Variants in DNMBP observed in about 807,000 individuals in gnomAD.
DNMBP encodes dynamin-binding protein.
DNMBP carries 87 observed loss-of-function variants against 150.0 expected under a neutral mutation model. The ratio of observed to expected loss-of-function variants is 0.58; its 90% CI spans 0.49 to 0.69. The LOEUF (loss-of-function observed/expected upper bound fraction) is 0.69. Among genes scored for constraint, DNMBP ranks in the 30% least tolerant of loss-of-function variants. DNMBP has a pLI of 0.00. For missense variants in DNMBP, 1,774 were observed against 1,949.0 expected (o/e 0.91, Z 1.69); for synonymous variants, 711 against 750.4 (o/e 0.95, Z 0.86).
chr10:99,896,238 C>T (rs753846333), intron 10 of DNMBP, 29 bp downstream of exon 10: 7 of 1,611,506 alleles, frequency 4.3e-6, no homozygotes, highest in Non-Finnish European at 5.1e-6. Flanking sequence ...GTCAAAGATG[C>T]GCTAAGCCTT....
At position 99,896,376 on chromosome 10, in the gene DNMBP, T is replaced by C. The variant is rs758673804; in HGVS notation, c.2942A>G (p.Asp981Gly). Residue 981 changes from aspartate to glycine, a missense_variant, in exon 10 of 17, where the codon GAT becomes GGT. By Grantham distance (94) the Asp-to-Gly change is moderately conservative. This residue lies in a region of DNMBP where 1,430 missense variants were observed against 1,492.5 expected (regional missense o/e 0.96). Coordinates refer to ENST00000324109, the MANE Select transcript of DNMBP (RefSeq NM_015221.4). ...AATTTTCTCCATAAGGCTATCTTCATCACCCTTACGGTACTTGAGGACTAG... is the reference window on the plus strand; with the variant it reads ...AATTTTCTCCATAAGGCTATCTTCACCACCCTTACGGTACTTGAGGACTAG... ...KDLVLKYRKGDEDSLMEKISK... is the reference protein window; with the variant it reads ...KDLVLKYRKGGEDSLMEKISK... 2.5e-6 allele frequency: 4 copies of C among 1,614,158 alleles called. No individual in the cohort carries two copies. Among genetic ancestry groups the C allele is most frequent in the East Asian group, 4.5e-5 (2 of 44,886 alleles).
In DNMBP at chr10:99,889,142, G is replaced by C. The variant is rs2039519110; in HGVS notation, c.3157-189C>G. 13 of 595,578 alleles carry C rather than the reference G, an allele frequency of 2.2e-5. No individual in the cohort carries two copies. In the South Asian group the frequency reaches 3.0e-4, roughly 14 times the overall value. 36.9% of individuals were successfully genotyped at this position (595,578 alleles called of 1,614,324 possible). The stretch of plus-strand genomic sequence containing the variant: ...TATGACTTACGGGGCACAGAGAAAG[G>C]CTAAGACTTTTAATTCTTAACAAAA... On this transcript the variant is annotated intron_variant, in intron 11 of 16. Transcript: ENST00000324109.
intron 1 of DNMBP, among the ~76,000 whole-genome samples, chr10:99,982,731 T>A (rs559088913): frequency 1.3e-5 from 2 of 152,254 alleles, no homozygotes; most frequent in African/African-American, 4.8e-5. Flanking sequence ...GACAGGCAGA[T>A]CCCTTGGGCC....
chr10:99,969,202 T>C lies in DNMBP; in HGVS notation c.181A>G (p.Ile61Val), dbSNP rs1311312634. ...CTCTCTCCCTCTTTTAGACTGGGAA[T>C]GGTCACAATTTCCACAAAACTGCTG... ...FPSSFVEIVT[I>V]PSLKEGERLF... Residue 61 changes from isoleucine to valine, a missense_variant, in exon 3 of 17, where the codon ATT becomes GTT. By Grantham distance (29) the Ile-to-Val change is conservative. Transcript: ENST00000324109. The C allele has an allele frequency of 1.2e-6, 2 of 1,613,974 alleles. No homozygotes were observed. The highest frequency in any genetic ancestry group is 2.2e-5 in the East Asian group (1 of 44,892).
chr10:99,962,113 C>T (rs577507579), intron 3 of DNMBP, among the ~76,000 whole-genome samples: 1 of 152,016 alleles, frequency 6.6e-6, no homozygotes, highest in South Asian at 2.1e-4. Context: ...TGTCTATAGC[C>T]TAGAAAAGAA....
At chr10:99,982,214 G>A (rs2040785901) in intron 1 of DNMBP, among the ~76,000 whole-genome samples, 1 of 151,878 alleles carries the variant, frequency 6.6e-6, no homozygotes, top group African/African-American at 2.4e-5. Context: ...GGAGGCAGAG[G>A]AGGGTGGATT....
At chr10:99,972,350 G>A (rs578261912) in intron 1 of DNMBP, among the ~76,000 whole-genome samples, 8 of 152,156 alleles carry the variant, frequency 5.3e-5, no homozygotes, top group Non-Finnish European at 8.8e-5. Context: ...GCTCACTGTA[G>A]CCTCGACTTC....
chr10:99,911,206 A>G (rs1032733623), intron 4 of DNMBP, among the ~76,000 whole-genome samples: 3 of 151,254 alleles, frequency 2.0e-5, no homozygotes, highest in African/African-American at 7.3e-5. Flanking sequence ...ATGCCACTGC[A>G]CTCCAGCCTG....
chr10:99,905,967 C>T (rs942902249), intron 6 of DNMBP, among the ~76,000 whole-genome samples: 2 of 152,028 alleles, frequency 1.3e-5, no homozygotes, highest in Admixed American at 6.6e-5. Flanking sequence ...GAGACCCTGT[C>T]TAAAAAAAGA....
chr10:99,903,380 T>G (rs1589408654), intron 6 of DNMBP, among the ~76,000 whole-genome samples: 1 of 151,888 alleles, frequency 6.6e-6, no homozygotes, highest in Non-Finnish European at 1.5e-5. Context: ...GTCACCCAGA[T>G]TGGAGTGCAC....
At chr10:99,996,916 T>C (rs899738615) in intron 1 of DNMBP, among the ~76,000 whole-genome samples, 2 of 152,244 alleles carry the variant, frequency 1.3e-5, no homozygotes, top group African/African-American at 4.8e-5. Flanking sequence ...GATTTCTTTG[T>C]GTCTACAGCA....
intron 2 of DNMBP, among the ~76,000 whole-genome samples, 169 bp from the exon 3 acceptor site, chr10:99,969,406 T>C (rs2040653270): frequency 3.3e-5 from 5 of 152,152 alleles, no homozygotes; most frequent in Admixed American, 6.6e-5. Context: ...TGCACAAAAC[T>C]AGATGCATGC....
intron 13 of DNMBP, 93 bp from the exon 14 acceptor site, chr10:99,885,959 A>G (rs2039453409): frequency 8.2e-7 from 1 of 1,220,594 alleles, no homozygotes; most frequent in Non-Finnish European, 1.1e-6. Flanking sequence ...AAGATCCCGG[A>G]TTGACAGTCT....
intron 1 of DNMBP, among the ~76,000 whole-genome samples, chr10:99,975,257 G>A (rs2040716361): frequency 6.6e-6 from 1 of 152,102 alleles, no homozygotes; most frequent in African/African-American, 2.4e-5. Context: ...CTACTCAGGA[G>A]GCTGAGGCAG....
intron 4 of DNMBP, among the ~76,000 whole-genome samples, chr10:99,919,037 C>A (rs1177858819): frequency 1.3e-5 from 2 of 152,122 alleles, no homozygotes; most frequent in Non-Finnish European, 2.9e-5. Flanking sequence ...GCTCTATTTT[C>A]TACACACATA....
intron 10 of DNMBP, 143 bp downstream of exon 10, chr10:99,896,124 T>A (rs2039648595): frequency 1.1e-6 from 1 of 881,072 alleles, no homozygotes; most frequent in Non-Finnish European, 1.7e-6. Context: ...AACCAGCAGC[T>A]GGAGGGCCCT....
At position 99,881,754 on chromosome 10, in the gene DNMBP, G is replaced by A. The variant is rs2255681; in HGVS notation, c.3998-1393C>T. 4.6e-5 allele frequency among the ~76,000 whole-genome samples: 7 copies of A among 152,082 alleles called. No individual in the cohort carries two copies. The South Asian group carries it at 8.3e-4, about 18-fold the overall frequency. On this transcript the variant is annotated intron_variant, in intron 15 of 16. Coordinates refer to ENST00000324109, the MANE Select transcript of DNMBP (RefSeq NM_015221.4). ...TAACAGGCTCCATCCTCTGTCCTTCGTGTCCCACTTTTAATCTCTCGTTCT... is the reference window on the plus strand; with the variant it reads ...TAACAGGCTCCATCCTCTGTCCTTCATGTCCCACTTTTAATCTCTCGTTCT...
intron 4 of DNMBP, among the ~76,000 whole-genome samples, chr10:99,915,232 C>CACACACACAT (rs1461268290): frequency 6.7e-6 from 1 of 149,682 alleles, no homozygotes; most frequent in African/African-American, 2.5e-5. Context: ...CACACACACA[C>CACACACACAT]ACGCATATAT....
At chr10:99,959,571 G>A (rs1372844720) in intron 3 of DNMBP, among the ~76,000 whole-genome samples, 4 of 152,112 alleles carry the variant, frequency 2.6e-5, no homozygotes, top group Non-Finnish European at 5.9e-5. Flanking sequence ...TATACAGGGA[G>A]GCCAGGTGCA....
Sources: allele counts gnomAD v4.1 joint callset (sites outside exome capture counted in the v4.1 genomes callset), GRCh38; gene constraint gnomAD v4.1.1; regional missense constraint gnomAD v4.1.1; transcripts MANE v1.5; gene names NCBI Gene and HGNC (gene_info 2026-07-23, HGNC 2026-07-21).